THADA: variants seen among roughly 807,000 people sequenced by gnomAD.
The protein encoded by THADA is THADA armadillo repeat containing, also known as tRNA (32-2'-O)-methyltransferase regulator THADA.
In THADA, 213 loss-of-function variants were observed where a neutral mutation model predicts 219.8. The ratio of observed to expected loss-of-function variants is 0.97; its 90% CI spans 0.87 to 1.09. The LOEUF (loss-of-function observed/expected upper bound fraction) is 1.09, where lower values mean the gene tolerates loss of function less well. THADA is among the 50% of genes least tolerant of loss of function. The probability of loss-of-function intolerance (pLI) is 0.00; values close to 1 mark genes in which losing one functional copy is unlikely to be tolerated. For synonymous variants in THADA, 1,018 were observed against 828.9 expected, an observed-to-expected ratio of 1.23 and a Z score of -3.92; for missense variants, 2,956 against 2,311.3, an observed-to-expected ratio of 1.28 and a Z score of -5.72.
intron 21 of THADA, among the ~76,000 whole-genome samples, chr2:43,536,773 T>C (rs1235959780): frequency 6.6e-6 from 1 of 152,132 alleles, no homozygotes; most frequent in African/African-American, 2.4e-5. Flanking sequence ...AATTCTGAAA[T>C]GTACTACTAA....
intron 21 of THADA, among the ~76,000 whole-genome samples, chr2:43,538,028 G>A (rs1056385293): frequency 3.3e-5 from 5 of 152,060 alleles, no homozygotes; most frequent in Non-Finnish European, 7.4e-5. Flanking sequence ...GATTTCTGTG[G>A]CGATAATTAC....
chr2:43,512,387 A>G (rs533948207), intron 22 of THADA, among the ~76,000 whole-genome samples: 1 of 152,270 alleles, frequency 6.6e-6, no homozygotes, highest in East Asian at 1.9e-4. Context: ...CCTGACCTCA[A>G]AGCCATACAA....
intron 36 of THADA, among the ~76,000 whole-genome samples, chr2:43,254,074 G>A (rs1383313859): frequency 6.6e-6 from 1 of 151,752 alleles, no homozygotes; most frequent in African/African-American, 2.4e-5. Flanking sequence ...CAGGTTCCAG[G>A]CCTATCCCTG....
intron 30 of THADA, among the ~76,000 whole-genome samples, chr2:43,324,209 A>G (rs1393750403): frequency 1.3e-5 from 2 of 152,298 alleles, no homozygotes; most frequent in African/African-American, 4.8e-5. Flanking sequence ...ATTTTTAAAA[A>G]TTTCAAAATG....
At chr2:43,273,939 CCTGG>C (rs1286704451) in intron 36 of THADA, among the ~76,000 whole-genome samples, 6 of 152,088 alleles carry the variant, frequency 3.9e-5, no homozygotes, top group African/African-American at 1.2e-4. Context: ...TTTGCCTTGC[CCTGG>C]CTACATGGCT....
intron 26 of THADA, among the ~76,000 whole-genome samples, chr2:43,461,747 C>T (rs1175933918): frequency 6.6e-6 from 1 of 152,192 alleles, no homozygotes; most frequent in Non-Finnish European, 1.5e-5. Flanking sequence ...CATGGCCGAT[C>T]CAAGTTTACT....
At chr2:43,489,153 G>C (rs1384491884) in intron 25 of THADA, among the ~76,000 whole-genome samples, 3 of 151,424 alleles carry the variant, frequency 2.0e-5, no homozygotes, top group Non-Finnish European at 2.9e-5. Context: ...TTTTTTTCTT[G>C]ATGCTGGTTA....
intron 26 of THADA, among the ~76,000 whole-genome samples, chr2:43,457,970 C>T (rs7572923): frequency 6.6e-6 from 1 of 151,930 alleles, no homozygotes; most frequent in Non-Finnish European, 1.5e-5. Flanking sequence ...CATACACACA[C>T]AGTCTCACTG....
chr2:43,482,910 T>C (rs765616087), intron 26 of THADA, among the ~76,000 whole-genome samples: 40 of 152,110 alleles, frequency 2.6e-4, no homozygotes, highest in Non-Finnish European at 5.1e-4. Context: ...ACAGCACAGA[T>C]CTTATTATTC....
chr2:43,496,069 G>C (rs1320088895), intron 25 of THADA, among the ~76,000 whole-genome samples: 3 of 152,116 alleles, frequency 2.0e-5, no homozygotes, highest in Non-Finnish European at 4.4e-5. Flanking sequence ...TCAATTAGAG[G>C]CTTATCATAC....
intron 26 of THADA, among the ~76,000 whole-genome samples, chr2:43,479,642 G>T (rs1685948536): frequency 6.6e-6 from 1 of 151,488 alleles, no homozygotes; most frequent in South Asian, 2.1e-4. Flanking sequence ...CTTCTTGCTA[G>T]CAACACTGAT....
chr2:43,487,877 G>A (rs951592201), intron 25 of THADA, among the ~76,000 whole-genome samples: 1 of 152,156 alleles, frequency 6.6e-6, no homozygotes, highest in African/African-American at 2.4e-5. Context: ...TGTTATAGCA[G>A]CCCGAAGGGA....
chr2:43,473,433 G>T (rs761270948), intron 26 of THADA, among the ~76,000 whole-genome samples: 1 of 151,964 alleles, frequency 6.6e-6, no homozygotes, highest in Admixed American at 6.6e-5. Context: ...CTATGAGAAC[G>T]ACACCCTCTT....
At chr2:43,242,687 C>T (rs1668743896) in intron 36 of THADA, among the ~76,000 whole-genome samples, 1 of 152,132 alleles carries the variant, frequency 6.6e-6, no homozygotes, top group East Asian at 1.9e-4. Flanking sequence ...CAGGGTTTCA[C>T]CATATTGCCC....
chr2:43,299,114 A>C (rs1675946697), intron 31 of THADA, among the ~76,000 whole-genome samples: 1 of 152,166 alleles, frequency 6.6e-6, no homozygotes, highest in Admixed American at 6.5e-5. Flanking sequence ...TATGTATGAA[A>C]CATAAATGAA....
chr2:43,248,842 C>T (rs1669530918), intron 36 of THADA, among the ~76,000 whole-genome samples: 1 of 152,154 alleles, frequency 6.6e-6, no homozygotes, highest in African/African-American at 2.4e-5. Context: ...TCTGACTGGG[C>T]TCTCTCGGCA....
rs1220588139 is a variant in THADA at position 43,248,158 on chromosome 2, TATATATAGAGAGAGAGAG to T, written c.5297-15294_5297-15277del. 9.4e-3 allele frequency among the ~76,000 whole-genome samples: 609 copies of T among 64,944 alleles called. 1 individual carries two copies. The highest frequency in any genetic ancestry group is 0.014 in the African/African-American group (162 of 11,806). 42.6% of individuals were successfully genotyped at this position (64,944 alleles called of 152,430 possible). A position where few individuals can be genotyped will look rare whatever the true frequency, so the allele number is the denominator to read the frequency against. On this transcript the variant is annotated intron_variant, in intron 36 of 37. Transcript: ENST00000405975. The stretch of plus-strand genomic sequence containing the variant: ...ATATATATATATATATATATATATA[TATATATAGAGAGAGAGAG>T]AGAGAGAGAGAGAGAGAGAGAGAGA...
chr2:43,581,922 A>G lies in THADA; in HGVS notation c.540T>C (p.Cys180=), dbSNP rs368526940. ...GTGTTTGAATAATATGATTTCCAGC[A>G]CATTTTCTATAAAGAAGAAAAGACA... ...LIEILEENRK[C]AGNHIIQTQL... is the part of the protein sequence containing the mutation. The change falls in exon 8 of 38, where the codon TGT becomes TGC. Residue 180 remains cysteine (C), a synonymous_variant. Transcript: ENST00000405975. The G allele has an allele frequency of 5.4e-5, 82 of 1,527,658 alleles. No individual in the cohort carries two copies. The highest frequency in any genetic ancestry group is 6.9e-5 in the Non-Finnish European group (79 of 1,144,370). 94.6% of individuals were successfully genotyped at this position (1,527,658 alleles called of 1,614,324 possible). A position where few individuals can be genotyped will look rare whatever the true frequency, so the allele number is the denominator to read the frequency against.
chr2:43,490,202 A>T (rs551088825), intron 25 of THADA, among the ~76,000 whole-genome samples: 1 of 152,058 alleles, frequency 6.6e-6, no homozygotes, highest in Non-Finnish European at 1.5e-5. Context: ...TTGTCCTGAA[A>T]CCTTGCTAAT....
Sources: gnomAD v4.1 joint callset for allele counts (sites outside exome capture counted in the v4.1 genomes callset) on GRCh38, gnomAD v4.1.1 for gene constraint, MANE v1.5 for transcripts, NCBI Gene and HGNC (gene_info 2026-07-23, HGNC 2026-07-21) for gene names.